CELSR1: variants seen among roughly 807,000 people sequenced by gnomAD.
The protein encoded by CELSR1 is adhesion G protein-coupled receptor C1.
CELSR1 carries 110 observed loss-of-function variants against 249.1 expected under a neutral mutation model. The observed-to-expected ratio is 0.44, with a 90% CI of 0.38 to 0.52. The LOEUF (loss-of-function observed/expected upper bound fraction) is 0.52. CELSR1 is among the 20% of genes least tolerant of loss of function. CELSR1 has a pLI of 0.00. For synonymous variants in CELSR1, 2,113 were observed against 1,900.0 expected (o/e 1.11, Z -2.92); for missense variants, 4,109 against 4,296.4 (o/e 0.96, Z 1.22).
intron 14 of CELSR1, among the ~76,000 whole-genome samples, chr22:46,392,025 G>T (rs528968191): frequency 5.3e-5 from 8 of 152,378 alleles, no homozygotes; most frequent in Admixed American, 3.3e-4. Context: ...CAGGAGAGCA[G>T]TTCTTCCGGG....
In CELSR1 at chr22:46,413,524, T is replaced by C. The variant is rs2079361957; in HGVS notation, c.4612-1765A>G. On this transcript the variant is annotated intron_variant, in intron 5 of 34. Transcript: ENST00000674500. This position sits in a 1 kb window ranked among gnomAD's most constrained non-coding sequence, Gnocchi z 4.7. ...ATTAGAACACACGTCCTCTCTGTGT[T>C]ACAGGGAATTGAGGATGATATCAAC... Among the ~76,000 whole-genome samples the C allele has an allele frequency of 6.6e-6, 1 of 152,226 alleles. No homozygotes were observed. The highest frequency in any genetic ancestry group is 2.1e-4 in the South Asian group (1 of 4,826).
intron 23 of CELSR1, 134 bp downstream of exon 23, chr22:46,378,457 G>A: frequency 1.1e-6 from 1 of 899,140 alleles, no homozygotes. Flanking sequence ...TTTAGTTTGA[G>A]GAGGGGACAG....
chr22:46,536,596 C>A lies in CELSR1; in HGVS notation c.575G>T (p.Gly192Val). Residue 192 changes from glycine to valine, a missense_variant, in exon 1 of 35, where the codon GGC becomes GTC. Physicochemically the swap from Gly to Val is moderately radical, Grantham distance 109. Coordinates refer to ENST00000674500, the MANE Select transcript of CELSR1 (RefSeq NM_001378328.1). ...CAGCGCCAGTCCCACCCGGACGGCG[C>A]CAGCCGCGCGCCGCAGGGCGCACAG... Reference protein sequence around the residue: ...RLLCALRRAAGAVRVGLALEA... With the variant: ...RLLCALRRAAVAVRVGLALEA... 1 of 1,188,954 alleles carries A rather than the reference C, an allele frequency of 8.4e-7. No individual in the cohort carries two copies. The highest frequency in any genetic ancestry group is 1.0e-6 in the Non-Finnish European group (1 of 963,072). The allele number at this position is 1,188,954 out of a possible 1,614,324, so 73.7% of individuals were successfully genotyped here. A position where few individuals can be genotyped will look rare whatever the true frequency, so the allele number is the denominator to read the frequency against.
intron 5 of CELSR1, among the ~76,000 whole-genome samples, chr22:46,422,805 T>A (rs2079492997): frequency 6.7e-6 from 1 of 148,866 alleles, no homozygotes; most frequent in African/African-American, 2.5e-5. Flanking sequence ...ATGACCCAGA[T>A]AACTGCTATA....
intron 5 of CELSR1, among the ~76,000 whole-genome samples, chr22:46,425,492 C>A (rs2079526583): frequency 6.6e-6 from 1 of 152,198 alleles, no homozygotes; most frequent in Non-Finnish European, 1.5e-5. Context: ...GGACTGACTT[C>A]ATCTTGGGTG....
rs1367047878 is a variant in CELSR1, at chr22:46,454,282, T to C, written c.4183+9425A>G. The stretch of plus-strand genomic sequence containing the variant: ...GCAGGGCTCCTGCCCTCCAGAACAG[T>C]AAGAATGAATCCGTGCTGCGTTAAG... On this transcript the variant is annotated intron_variant, in intron 2 of 34. Transcript: ENST00000674500. The surrounding 1 kb of genome is among the most constrained non-coding windows in gnomAD (Gnocchi z 5.1). 1.3e-5 allele frequency among the ~76,000 whole-genome samples: 2 copies of C among 152,122 alleles called. No homozygotes were observed. The highest frequency in any genetic ancestry group is 4.8e-5 in the African/African-American group (2 of 41,422).
At position 46,527,848 on chromosome 22, in the gene CELSR1, C is replaced by A. The variant is rs1364937081; in HGVS notation, c.3544+5779G>T. ...CGGTGGCTCACGCCTGTAATCCCAG[C>A]ATTTTGGGAGGCTGAGGCGGGCGGA... On this transcript the variant is annotated intron_variant, in intron 1 of 34. Transcript: ENST00000674500. This position sits in a 1 kb window ranked among gnomAD's most constrained non-coding sequence, Gnocchi z 5.5. Among the ~76,000 whole-genome samples the A allele has an allele frequency of 6.6e-6, 1 of 152,162 alleles. No homozygotes were observed. Among genetic ancestry groups the A allele is most frequent in the Non-Finnish European group, 1.5e-5 (1 of 68,030 alleles).
chr22:46,515,787 C>T (rs1252461643), intron 1 of CELSR1, among the ~76,000 whole-genome samples: 1 of 152,220 alleles, frequency 6.6e-6, no homozygotes, highest in Non-Finnish European at 1.5e-5. Flanking sequence ...CAGGAGGATA[C>T]ACCAGGACAT....
intron 18 of CELSR1, among the ~76,000 whole-genome samples, chr22:46,387,533 T>G (rs942955948): frequency 6.1e-5 from 9 of 146,904 alleles, no homozygotes; most frequent in Admixed American, 4.7e-4. Flanking sequence ...ATTTTTTTCA[T>G]ATTTTAGAAG....
intron 5 of CELSR1, among the ~76,000 whole-genome samples, chr22:46,419,616 C>G (rs1031578485): frequency 1.3e-5 from 2 of 152,190 alleles, no homozygotes; most frequent in African/African-American, 4.8e-5. Context: ...CAGGAGAAAA[C>G]TTCAGGAAGG....
rs2147150828 is a variant in CELSR1, at chr22:46,364,089, T to C, written c.8942A>G (p.Lys2981Arg). 2 of 1,612,352 alleles carry C rather than the reference T, an allele frequency of 1.2e-6. No individual in the cohort carries two copies. Among genetic ancestry groups the C allele is most frequent in the Non-Finnish European group, 1.7e-6 (2 of 1,179,660 alleles). ...ACGCCCCGGCTCCCTCCCAGGGCTC[T>C]TGACTGTGATGGCGCAGTCGGGGCC... ...SGGPDCAITV[K>R]SPGREPGRDH... Residue 2981 changes from lysine (K) to arginine (R), a missense_variant, in exon 34 of 35, where the codon AAG becomes AGG. Transcript: ENST00000674500.
rs764493581 is a variant in CELSR1 at position 46,393,725 on chromosome 22, G to A, written c.5964+417C>T. Among the ~76,000 whole-genome samples, 7 of 149,218 alleles carry A rather than the reference G, an allele frequency of 4.7e-5. No homozygotes were observed. The highest frequency in any genetic ancestry group is 1.9e-4 in the East Asian group (1 of 5,130). On this transcript the variant is annotated intron_variant, in intron 14 of 34. Coordinates refer to ENST00000674500, the MANE Select transcript of CELSR1 (RefSeq NM_001378328.1). This position sits in a 1 kb window ranked among gnomAD's most constrained non-coding sequence, Gnocchi z 4.1. ...TGCACTCCAGCCTGGGCGACACAGC[G>A]AGACTCTGTCTCAAAAAAAAAAAAA...
rs138202214 is a variant in CELSR1, at chr22:46,445,127, C to T, written c.4184-5716G>A. On this transcript the variant is annotated intron_variant, in intron 2 of 34. Transcript: ENST00000674500. The surrounding 1 kb of genome is among the most constrained non-coding windows in gnomAD (Gnocchi z 4.4). Reference sequence around the variant, plus strand: ...AGGAGAATCCTTTGAACCCAGGAGGCGGAGTTTGCAGTGAGCCAAGATCAC... The same window carrying T: ...AGGAGAATCCTTTGAACCCAGGAGGTGGAGTTTGCAGTGAGCCAAGATCAC... 5.7e-3 allele frequency among the ~76,000 whole-genome samples: 862 copies of T among 151,530 alleles called. 10 individuals are homozygous for T. Among genetic ancestry groups the T allele is most frequent in the African/African-American group, 0.02 (810 of 41,286 alleles).
At chr22:46,492,150 C>G (rs572738410) in intron 1 of CELSR1, among the ~76,000 whole-genome samples, 1 of 152,320 alleles carries the variant, frequency 6.6e-6, no homozygotes, top group African/African-American at 2.4e-5. Flanking sequence ...TTCCCAGGCT[C>G]CAGCAGGTCT....
At chr22:46,478,904 C>T (rs1345673957) in intron 1 of CELSR1, among the ~76,000 whole-genome samples, 1 of 151,972 alleles carries the variant, frequency 6.6e-6, no homozygotes, top group Non-Finnish European at 1.5e-5. Context: ...AGCCCTGCAG[C>T]AGGTCCTGCT....
chr22:46,363,944 C>T lies in CELSR1; in HGVS notation c.9035+52G>A. The T allele has an allele frequency of 6.6e-7, 1 of 1,505,614 alleles. No homozygotes were observed. Among genetic ancestry groups the T allele is most frequent in the South Asian group, 1.3e-5 (1 of 79,442 alleles). The allele number at this position is 1,505,614 out of a possible 1,614,324, so 93.3% of individuals were successfully genotyped here. ...CCACTGCCCCCTCTCTCTCCTGACTCAGGACAAGGGGGAAGTGGGTGATCC... is the reference window on the plus strand; with the variant it reads ...CCACTGCCCCCTCTCTCTCCTGACTTAGGACAAGGGGGAAGTGGGTGATCC... On this transcript the variant is annotated intron_variant, in intron 34 of 34. Coordinates refer to ENST00000674500, the MANE Select transcript of CELSR1 (RefSeq NM_001378328.1). The surrounding 1 kb of genome is among the most constrained non-coding windows in gnomAD (Gnocchi z 4.3).
chr22:46,385,398 T>TGACC (rs1602056171), intron 19 of CELSR1, among the ~76,000 whole-genome samples: 2 of 152,322 alleles, frequency 1.3e-5, no homozygotes, highest in East Asian at 3.9e-4. Context: ...CCCAGCTGAC[T>TGACC]GACCATCTTT....
At chr22:46,457,657 G>A (rs915337446) in intron 2 of CELSR1, among the ~76,000 whole-genome samples, 1 of 152,252 alleles carries the variant, frequency 6.6e-6, no homozygotes, top group Non-Finnish European at 1.5e-5. Flanking sequence ...GATGAGGAAG[G>A]CTTCCCGGGA....
At chr22:46,499,530 C>G (rs1354439491) in intron 1 of CELSR1, among the ~76,000 whole-genome samples, 1 of 152,178 alleles carries the variant, frequency 6.6e-6, no homozygotes, top group African/African-American at 2.4e-5. Flanking sequence ...TGTGATCAAG[C>G]TTTAAACACG....
Sources: gnomAD v4.1 joint callset for allele counts (sites outside exome capture counted in the v4.1 genomes callset) on GRCh38, gnomAD v4.1.1 for gene constraint, Gnocchi (gnomAD v3.1) non-coding constraint, MANE v1.5 for transcripts, NCBI Gene and HGNC (gene_info 2026-07-23, HGNC 2026-07-21) for gene names.